Variants in NELL1 observed in about 807,000 individuals in gnomAD.
The protein encoded by NELL1 is neural EGFL like 1, also known as protein kinase C-binding protein NELL1.
NELL1 carries 76 observed loss-of-function variants against 107.4 expected under a neutral mutation model. That is an observed-to-expected ratio of 0.71 (90% CI 0.59 to 0.86). The LOEUF (loss-of-function observed/expected upper bound fraction) is 0.86, where lower values mean the gene tolerates loss of function less well. NELL1 is among the 40% of genes least tolerant of loss of function. The pLI is 0.00. For missense variants in NELL1, 1,024 were observed against 1,005.5 expected, an observed-to-expected ratio of 1.02 and a Z score of -0.25; for synonymous variants, 353 against 341.2, an observed-to-expected ratio of 1.03 and a Z score of -0.38.
At chr11:20,796,057 G>T (rs1047553482) in intron 3 of NELL1, among the ~76,000 whole-genome samples, 2 of 152,004 alleles carry the variant, frequency 1.3e-5, no homozygotes, top group African/African-American at 4.8e-5. Context: ...GTATATCAAG[G>T]CTCTCAGTAA....
At chr11:20,910,376 G>T (rs1389093207) in intron 5 of NELL1, among the ~76,000 whole-genome samples, 6 of 152,198 alleles carry the variant, frequency 3.9e-5, no homozygotes, top group Admixed American at 3.3e-4. Flanking sequence ...CTCTTGAAGT[G>T]AGGGTGTACA....
chr11:20,869,944 G>T (rs1410598755), intron 4 of NELL1, among the ~76,000 whole-genome samples: 1 of 152,154 alleles, frequency 6.6e-6, no homozygotes, highest in Non-Finnish European at 1.5e-5. Context: ...GTTACTAAAA[G>T]GTTACCAGAT....
At chr11:20,935,329 C>T (rs539415227) in intron 9 of NELL1, among the ~76,000 whole-genome samples, 81 of 152,206 alleles carry the variant, frequency 5.3e-4, no homozygotes, top group African/African-American at 1.8e-3. Flanking sequence ...CAGCCCTAAG[C>T]GGAAGCTCAT....
At chr11:21,368,349 G>T (rs940234810) in intron 14 of NELL1, among the ~76,000 whole-genome samples, 10 of 113,226 alleles carry the variant, frequency 8.8e-5, no homozygotes, top group Non-Finnish European at 1.6e-4. Flanking sequence ...TGCAATTTAG[G>T]CATTGGTTTT....
intron 15 of NELL1, among the ~76,000 whole-genome samples, chr11:21,463,092 G>A (rs1409601105): frequency 1.3e-5 from 2 of 152,044 alleles, no homozygotes; most frequent in Admixed American, 6.6e-5. Context: ...TTTTACCACA[G>A]AGACTGGATC....
intron 2 of NELL1, among the ~76,000 whole-genome samples, chr11:20,702,966 TTC>T (rs1182887100): frequency 6.6e-6 from 1 of 152,204 alleles, no homozygotes; most frequent in Admixed American, 6.5e-5. Flanking sequence ...TGGTCTAAAA[TTC>T]TCTTTTTTTG....
intron 12 of NELL1, among the ~76,000 whole-genome samples, chr11:21,004,524 C>T (rs1046714093): frequency 3.9e-5 from 6 of 152,050 alleles, no homozygotes; most frequent in South Asian, 4.1e-4. Flanking sequence ...TCCACCCATC[C>T]GGGCATCAGT....
At chr11:20,865,284 A>G (rs7120224) in intron 4 of NELL1, among the ~76,000 whole-genome samples, 98,419 of 152,068 alleles carry the variant, frequency 0.65, 33,370 homozygotes, top group Non-Finnish European at 0.76. Flanking sequence ...TTCCTGCTAA[A>G]CACCACATGA....
chr11:20,776,298 G>C (rs1236606859), intron 2 of NELL1, among the ~76,000 whole-genome samples: 2 of 152,008 alleles, frequency 1.3e-5, no homozygotes, highest in Admixed American at 1.3e-4. Context: ...AATTAGCCAG[G>C]TGTGGTGATG....
rs990474154 is a variant in NELL1, at chr11:20,754,915, G to A, written c.185-28765G>A. Among the ~76,000 whole-genome samples the A allele has an allele frequency of 3.3e-5, 5 of 152,152 alleles. No homozygotes were observed. In the East Asian group the frequency reaches 7.7e-4, roughly 23 times the overall value. On this transcript the variant is annotated intron_variant, in intron 2 of 19. Coordinates refer to ENST00000357134, the MANE Select transcript of NELL1 (RefSeq NM_006157.5). ...TGGATTTGATTGTCTTTTAGACTTA[G>A]TGAAAAGTTCAGGTCCATATAGCTC...
chr11:20,683,579 C>T (rs539551601), intron 2 of NELL1, among the ~76,000 whole-genome samples: 3 of 152,032 alleles, frequency 2.0e-5, no homozygotes, highest in African/African-American at 7.2e-5. Context: ...TATTTCCACC[C>T]GATATTATTT....
intron 13 of NELL1, among the ~76,000 whole-genome samples, chr11:21,126,556 G>A (rs1004213530): frequency 2.6e-5 from 4 of 152,052 alleles, no homozygotes; most frequent in African/African-American, 7.2e-5. Context: ...CAAGAAAGAC[G>A]ATTGGGTTTT....
At chr11:21,473,686 T>C (rs912039537) in intron 15 of NELL1, among the ~76,000 whole-genome samples, 1 of 151,946 alleles carries the variant, frequency 6.6e-6, no homozygotes, top group African/African-American at 2.4e-5. Context: ...GATCAAGCTA[T>C]TGTGGGCAAG....
intron 12 of NELL1, among the ~76,000 whole-genome samples, chr11:20,963,246 T>G (rs532207428): frequency 6.6e-6 from 1 of 152,204 alleles, no homozygotes; most frequent in Admixed American, 6.5e-5. Context: ...TCGTAGAAAG[T>G]CATTCCCCAA....
At chr11:21,087,666 T>A (rs192747291) in intron 12 of NELL1, among the ~76,000 whole-genome samples, 5 of 152,184 alleles carry the variant, frequency 3.3e-5, no homozygotes, top group African/African-American at 1.2e-4. Flanking sequence ...GGAGGGAGTA[T>A]GAGATATTGA....
chr11:21,112,670 A>G (rs533480488), intron 12 of NELL1, among the ~76,000 whole-genome samples: 1 of 152,148 alleles, frequency 6.6e-6, no homozygotes, highest in African/African-American at 2.4e-5. Flanking sequence ...GATATAAAAC[A>G]TTGGGTTCAG....
intron 14 of NELL1, among the ~76,000 whole-genome samples, chr11:21,263,499 C>A (rs1791827): frequency 0.9 from 137,007 of 151,980 alleles, 61,929 homozygotes; most frequent in Non-Finnish European, 0.93. Flanking sequence ...TTGCCATATA[C>A]ACTTTCACTG....
chr11:20,739,926 C>A (rs759795953), intron 2 of NELL1, among the ~76,000 whole-genome samples: 1 of 152,174 alleles, frequency 6.6e-6, no homozygotes, highest in Non-Finnish European at 1.5e-5. Flanking sequence ...TACCCTCAAG[C>A]GCCATCGTTA....
At chr11:20,776,365 G>C (rs1227634133) in intron 2 of NELL1, among the ~76,000 whole-genome samples, 1 of 152,102 alleles carries the variant, frequency 6.6e-6, no homozygotes, top group Non-Finnish European at 1.5e-5. Context: ...CTTGAACCCG[G>C]GAGGTGGAGG....
Sources: allele counts gnomAD v4.1 joint callset (sites outside exome capture counted in the v4.1 genomes callset), GRCh38; gene constraint gnomAD v4.1.1; transcripts MANE v1.5; gene names NCBI Gene and HGNC (gene_info 2026-07-23, HGNC 2026-07-21).